Variants in TANC1 observed in about 807,000 individuals in gnomAD.
TANC1 encodes protein TANC1.
Under a neutral mutation model 149.7 loss-of-function variants are expected in TANC1, and 77 were observed. The observed-to-expected ratio is 0.51, with a 90% CI of 0.43 to 0.62. The LOEUF (loss-of-function observed/expected upper bound fraction) is 0.62, where lower values mean the gene tolerates loss of function less well. TANC1 is among the 20% of genes least tolerant of loss of function. The pLI is 0.00. For missense variants in TANC1, 1,985 were observed against 2,321.8 expected (o/e 0.85, Z 2.98); for synonymous variants, 854 against 925.0 (o/e 0.92, Z 1.39).
chr2:159,204,278 C>T (rs2058453297), intron 19 of TANC1, among the ~76,000 whole-genome samples: 1 of 151,972 alleles, frequency 6.6e-6, no homozygotes, highest in African/African-American at 2.4e-5. Context: ...GGAGGGGGAG[C>T]AGTAAGGGGC....
At chr2:159,087,933 G>A (rs1006037405) in intron 3 of TANC1, among the ~76,000 whole-genome samples, 1 of 149,918 alleles carries the variant, frequency 6.7e-6, no homozygotes, top group African/African-American at 2.5e-5. Context: ...GATGACGTAG[G>A]CAGAGATTTG....
At chr2:159,205,892 C>T (rs2058572717) in intron 19 of TANC1, among the ~76,000 whole-genome samples, 1 of 152,198 alleles carries the variant, frequency 6.6e-6, no homozygotes, top group African/African-American at 2.4e-5. Flanking sequence ...ATGGAACGCA[C>T]ATGGAGGATG....
rs764916499 is a variant in TANC1 at position 159,069,430 on chromosome 2, C to T, written c.61+3459C>T. Among the ~76,000 whole-genome samples, 12 of 152,196 alleles carry T rather than the reference C, an allele frequency of 7.9e-5. No homozygotes were observed. The South Asian group carries it at 8.3e-4, about 11-fold the overall frequency. The stretch of plus-strand genomic sequence containing the variant: ...AGGACCTTGATCTAAAATAAGCAAA[C>T]GAGGCACTGTGTTTATTTTTGAAGC... On this transcript the variant is annotated intron_variant, in intron 3 of 26. Coordinates refer to ENST00000263635, the MANE Select transcript of TANC1 (RefSeq NM_033394.3).
At chr2:159,120,542 T>C (rs1454034085) in intron 4 of TANC1, among the ~76,000 whole-genome samples, 2 of 152,204 alleles carry the variant, frequency 1.3e-5, no homozygotes, top group African/African-American at 4.8e-5. Flanking sequence ...ATTTTAAATA[T>C]GGCTTCTCAC....
rs190953167 is a variant in TANC1 at position 159,056,397 on chromosome 2, C to T, written c.-15-9499C>T. ...TGCGATCTCGGCTCACTGCAACCTC[C>T]GCCTCCCGGGTTCAAGCTATTCTCC... On this transcript the variant is annotated intron_variant, in intron 2 of 26. Coordinates refer to ENST00000263635, the MANE Select transcript of TANC1 (RefSeq NM_033394.3). 170 of 153,646 alleles carry T rather than the reference C, an allele frequency of 1.1e-3. 1 individual carries two copies. The highest frequency in any genetic ancestry group is 3.6e-3 in the African/African-American group (151 of 41,518). The allele number at this position is 153,646 out of a possible 1,614,324, so 9.5% of individuals were successfully genotyped here.
chr2:159,069,091 A>C lies in TANC1; in HGVS notation c.61+3120A>C, dbSNP rs1239027025. 3.9e-5 allele frequency among the ~76,000 whole-genome samples: 6 copies of C among 152,234 alleles called. No individual in the cohort carries two copies. The East Asian group carries it at 1.2e-3, about 29-fold the overall frequency. ...AAACTTAAACTATTGAAAATCATCG[A>C]GTAAACTCAAAATAGCAGAATTCCT... On this transcript the variant is annotated intron_variant, in intron 3 of 26. Transcript: ENST00000263635.
intron 2 of TANC1, among the ~76,000 whole-genome samples, chr2:159,011,429 A>G (rs2149377836): frequency 6.6e-6 from 1 of 152,252 alleles, no homozygotes; most frequent in South Asian, 2.1e-4. Context: ...TGATGGGGGC[A>G]GGCAATAAAT....
chr2:159,210,987 C>T lies in TANC1; in HGVS notation c.3245-6510C>T, dbSNP rs574901950. The stretch of plus-strand genomic sequence containing the variant: ...CCCAGGTTCAAGCGATTCTCTTGCT[C>T]AGCCTCCCAAGTAGCTGGGATTATA... On this transcript the variant is annotated intron_variant, in intron 19 of 26. Coordinates refer to ENST00000263635, the MANE Select transcript of TANC1 (RefSeq NM_033394.3). Among the ~76,000 whole-genome samples, 6 of 152,234 alleles carry T rather than the reference C, an allele frequency of 3.9e-5. No individual in the cohort carries two copies. In the South Asian group the frequency reaches 1.2e-3, roughly 32 times the overall value.
intron 2 of TANC1, chr2:159,056,037 A>T: frequency 3.1e-6 from 1 of 322,228 alleles, no homozygotes; most frequent in Non-Finnish European, 6.2e-6. Flanking sequence ...TGTTGTTGAT[A>T]GGCATCTTCA....
intron 3 of TANC1, among the ~76,000 whole-genome samples, chr2:159,073,616 A>C (rs1406394803): frequency 6.6e-6 from 1 of 152,204 alleles, no homozygotes; most frequent in African/African-American, 2.4e-5. Flanking sequence ...TAAATTATCA[A>C]ATCTAATTTT....
chr2:159,179,280 T>C, intron 14 of TANC1, 117 bp downstream of exon 14: 4 of 1,329,412 alleles, frequency 3.0e-6, no homozygotes, highest in Non-Finnish European at 4.1e-6. Context: ...ACTAATTCAG[T>C]GTTACTGCTT....
At chr2:159,177,292 G>T (rs540475726) in intron 13 of TANC1, among the ~76,000 whole-genome samples, 1 of 151,990 alleles carries the variant, frequency 6.6e-6, no homozygotes, top group Non-Finnish European at 1.5e-5. Flanking sequence ...TGCAGCGAGG[G>T]GTAGGGTGAT....
At chr2:159,027,772 C>A (rs893105895) in intron 2 of TANC1, among the ~76,000 whole-genome samples, 8 of 152,170 alleles carry the variant, frequency 5.3e-5, no homozygotes, top group African/African-American at 1.9e-4. Context: ...AACTGAATGC[C>A]ACCTTCTGCA....
chr2:159,088,331 A>G (rs1477889674), intron 3 of TANC1, among the ~76,000 whole-genome samples: 1 of 152,124 alleles, frequency 6.6e-6, no homozygotes, highest in Non-Finnish European at 1.5e-5. Flanking sequence ...CTTCTCAGAA[A>G]GGTTTTTGTT....
At position 159,230,282 on chromosome 2, in the gene TANC1, CT is replaced by C. The variant is rs1559504885; in HGVS notation, c.4859del (p.Leu1620TyrfsTer54). On this transcript the variant is annotated frameshift_variant, in exon 27 of 27. Transcript: ENST00000263635. LOFTEE classifies it low-confidence loss of function (END_TRUNC). This position sits in a 1 kb window ranked among gnomAD's most constrained non-coding sequence, Gnocchi z 4.4. ...LQCGENGPAH[P>X]LPSKTKTTER... ...TGTGGTGAGAATGGCCCTGCACACC[CT>C]TTACCAAGTAAGACGAAAACCACAG... 1.2e-6 allele frequency: 2 copies of C among 1,614,076 alleles called. No homozygotes were observed. The highest frequency in any genetic ancestry group is 1.7e-6 in the Non-Finnish European group (2 of 1,180,050).
At chr2:159,225,966 G>C (rs959283121) in intron 24 of TANC1, 187 bp downstream of exon 24, 2 of 628,032 alleles carry the variant, frequency 3.2e-6, no homozygotes, top group Non-Finnish European at 2.8e-6. Context: ...CAGATCACTT[G>C]AGGCCAGGAA....
chr2:158,983,487 A>C (rs1057152218), intron 1 of TANC1, among the ~76,000 whole-genome samples: 1 of 145,944 alleles, frequency 6.9e-6, no homozygotes, highest in African/African-American at 2.5e-5. Context: ...AAAAAAAAAA[A>C]CACCAAACAA....
rs760686134 is a variant in TANC1 at position 159,176,506 on chromosome 2, A to G, written c.1890A>G (p.Arg630=). ...PAWLKLIVTV[R]ANFQEIISAL... is the part of the protein sequence containing the mutation. ...GGTTGAAGTTGATTGTGACTGTAAGAGCAAATTTTCAGGTAACAAAGAATT... is the reference window on the plus strand; with the variant it reads ...GGTTGAAGTTGATTGTGACTGTAAGGGCAAATTTTCAGGTAACAAAGAATT... The change falls in exon 13 of 27, where the codon AGA becomes AGG. Residue 630 remains arginine, a synonymous_variant. Coordinates refer to ENST00000263635, the MANE Select transcript of TANC1 (RefSeq NM_033394.3). The G allele has an allele frequency of 1.3e-6, 2 of 1,590,490 alleles. No individual in the cohort carries two copies. Among genetic ancestry groups the G allele is most frequent in the East Asian group, 2.3e-5 (1 of 44,348 alleles).
At chr2:159,042,486 G>A (rs1462824455) in intron 2 of TANC1, among the ~76,000 whole-genome samples, 1 of 152,124 alleles carries the variant, frequency 6.6e-6, no homozygotes, top group Admixed American at 6.5e-5. Flanking sequence ...GAGCAAGCGT[G>A]CATGGAGCAT....
Sources: gnomAD v4.1 joint callset for allele counts (sites outside exome capture counted in the v4.1 genomes callset) on GRCh38, gnomAD v4.1.1 for gene constraint, Gnocchi (gnomAD v3.1) non-coding constraint, MANE v1.5 for transcripts, NCBI Gene and HGNC (gene_info 2026-07-23, HGNC 2026-07-21) for gene names.